The following P4HA1 variants were observed in gnomAD, a reference collection of about 807,000 sequenced individuals.
P4HA1 encodes prolyl 4-hydroxylase subunit alpha 1.
P4HA1 carries 24 observed loss-of-function variants against 72.8 expected under a neutral mutation model. The ratio of observed to expected loss-of-function variants is 0.33; its 90% CI spans 0.24 to 0.46. The LOEUF is 0.46. P4HA1 is among the 20% of genes least tolerant of loss of function. P4HA1 has a pLI of 1.00. For missense variants in P4HA1, 446 were observed against 640.6 expected (o/e 0.70, Z 3.28); for synonymous variants, 201 against 218.8 (o/e 0.92, Z 0.72).
chr10:73,045,905 C>CTTTT (rs1840849456), intron 8 of P4HA1, among the ~76,000 whole-genome samples: 1 of 148,358 alleles, frequency 6.7e-6, no homozygotes, highest in South Asian at 2.1e-4. Context: ...TTTGGAGAAG[C>CTTTT]AGAAAAACTC....
At chr10:73,078,586 C>G (rs1028464045) in intron 1 of P4HA1, among the ~76,000 whole-genome samples, 1 of 141,722 alleles carries the variant, frequency 7.1e-6, no homozygotes, top group Non-Finnish European at 1.5e-5. Flanking sequence ...CTCTGGTTAG[C>G]AAAGCAGTAG....
intron 14 of P4HA1, chr10:73,009,593 C>T: frequency 2.1e-6 from 1 of 468,558 alleles, no homozygotes; most frequent in Non-Finnish European, 3.9e-6. Context: ...GTCATTGTTT[C>T]TTGGAATAAG....
At chr10:73,062,673 A>G (rs1034697171) in intron 5 of P4HA1, among the ~76,000 whole-genome samples, 2 of 152,230 alleles carry the variant, frequency 1.3e-5, no homozygotes, top group African/African-American at 4.8e-5. Flanking sequence ...CACTTCAAAG[A>G]GTCACTAAAA....
intron 1 of P4HA1, among the ~76,000 whole-genome samples, chr10:73,075,734 A>G (rs772660168): frequency 1.3e-5 from 2 of 150,434 alleles, no homozygotes; most frequent in Non-Finnish European, 1.5e-5. Context: ...TATTTTATAT[A>G]TATATATAGT....
intron 1 of P4HA1, among the ~76,000 whole-genome samples, chr10:73,094,495 T>A (rs747898947): frequency 1.6e-4 from 24 of 152,250 alleles, no homozygotes; most frequent in Admixed American, 3.3e-4. Context: ...AAGGATTTCA[T>A]GACCTTAAAA....
intron 5 of P4HA1, among the ~76,000 whole-genome samples, chr10:73,061,719 T>TG (rs1431213182): frequency 6.6e-6 from 1 of 152,080 alleles, no homozygotes; most frequent in African/African-American, 2.4e-5. Flanking sequence ...TGAGCTATAA[T>TG]GGTACCACTG....
Position 73,016,221 on chromosome 10 carries a change from T to C in P4HA1, c.1302+625A>G, listed in dbSNP as rs576072555. On this transcript the variant is annotated intron_variant, in intron 11 of 14. Transcript: ENST00000394890. ...TGGATGATGATCACTCTTCCCTGAC[T>C]TCAGCAAGAATCCTGTTAGGTCAGT... Among the ~76,000 whole-genome samples, 4 of 152,318 alleles carry C rather than the reference T, an allele frequency of 2.6e-5. No individual in the cohort carries two copies. In the South Asian group the frequency reaches 6.2e-4, roughly 24 times the overall value.
At chr10:73,079,285 A>C (rs966950253) in intron 1 of P4HA1, among the ~76,000 whole-genome samples, 1 of 151,758 alleles carries the variant, frequency 6.6e-6, no homozygotes, top group African/African-American at 2.4e-5. Flanking sequence ...AGGAGACCCC[A>C]ACTCTATAAA....
chr10:73,070,360 T>C (rs1841531787), intron 4 of P4HA1, among the ~76,000 whole-genome samples: 1 of 151,958 alleles, frequency 6.6e-6, no homozygotes, highest in Non-Finnish European at 1.5e-5. Context: ...TTTCACCATG[T>C]TGACTAAGCT....
At chr10:73,042,243 G>C (rs1380248790) in intron 9 of P4HA1, among the ~76,000 whole-genome samples, 1 of 152,090 alleles carries the variant, frequency 6.6e-6, no homozygotes, top group East Asian at 1.9e-4. Context: ...ATACAGCAGA[G>C]ACAAGAAACC....
intron 7 of P4HA1, among the ~76,000 whole-genome samples, chr10:73,047,378 A>G (rs922864452): frequency 6.6e-6 from 1 of 152,104 alleles, no homozygotes; most frequent in Non-Finnish European, 1.5e-5. Context: ...ATCAAAATAA[A>G]GTTCAAATGT....
chr10:73,057,321 T>A (rs1841174922), intron 5 of P4HA1, among the ~76,000 whole-genome samples: 1 of 151,564 alleles, frequency 6.6e-6, no homozygotes, highest in African/African-American at 2.4e-5. Flanking sequence ...AAACCCCGTC[T>A]CTACTAAAAA....
chr10:73,026,546 G>T (rs917262322), intron 10 of P4HA1, among the ~76,000 whole-genome samples: 1 of 152,140 alleles, frequency 6.6e-6, no homozygotes, highest in Non-Finnish European at 1.5e-5. Context: ...ATAGGCATGG[G>T]CAAGGACTTC....
rs920360586 is a variant in P4HA1 at position 73,059,424 on chromosome 10, T to TAAAAAAA, written c.464-5841_464-5835dup. 2.9e-4 allele frequency among the ~76,000 whole-genome samples: 7 copies of TAAAAAAA among 24,178 alleles called. 2 individuals are homozygous for TAAAAAAA. The highest frequency in any genetic ancestry group is 1.5e-3 in the South Asian group (1 of 656). 15.9% of individuals were successfully genotyped at this position (24,178 alleles called of 152,430 possible). A position where few individuals can be genotyped will look rare whatever the true frequency, so the allele number is the denominator to read the frequency against. On this transcript the variant is annotated intron_variant, in intron 5 of 14. Coordinates refer to ENST00000394890, the MANE Select transcript of P4HA1 (RefSeq NM_001017962.3). ...GGGCAAAATAATGAGACAATATATT[T>TAAAAAAA]AAAAAAAAAAAAAAAAAAAAAAAAA...
At chr10:73,069,004 GA>G (rs746315551) in intron 4 of P4HA1, 21 bp from the exon 5 acceptor site, 21 of 1,530,104 alleles carry the variant, frequency 1.4e-5, no homozygotes, top group South Asian at 4.8e-5. Flanking sequence ...ATAAATCAAA[GA>G]AAAAAAAACT....
intron 5 of P4HA1, among the ~76,000 whole-genome samples, chr10:73,060,808 CA>C (rs575246889): frequency 1.3e-4 from 19 of 146,452 alleles, no homozygotes; most frequent in African/African-American, 2.2e-4. Context: ...GGCTGAAATA[CA>C]AAAAAAAAAT....
chr10:73,024,875 A>T (rs11498022), intron 10 of P4HA1, among the ~76,000 whole-genome samples: 5,566 of 152,296 alleles, frequency 0.037, 340 homozygotes, highest in African/African-American at 0.12. Flanking sequence ...CTATGCAAAT[A>T]AACTAGAAAA....
intron 12 of P4HA1, among the ~76,000 whole-genome samples, chr10:73,011,887 A>T (rs1226975264): frequency 1.3e-5 from 2 of 152,178 alleles, no homozygotes; most frequent in African/African-American, 2.4e-5. Context: ...CAAGGTAAAA[A>T]GCATTAAATG....
chr10:73,017,048 A>G (rs1840020436), intron 10 of P4HA1, 149 bp from the exon 11 acceptor site: 1 of 562,290 alleles, frequency 1.8e-6, no homozygotes, highest in Non-Finnish European at 3.1e-6. Flanking sequence ...AAGAGTTCCT[A>G]TGAAAACAGG....
Sources: gnomAD v4.1 joint callset for allele counts (sites outside exome capture counted in the v4.1 genomes callset) on GRCh38, gnomAD v4.1.1 for gene constraint, MANE v1.5 for transcripts, NCBI Gene and HGNC (gene_info 2026-07-23, HGNC 2026-07-21) for gene names.